CCL28: variants seen among roughly 807,000 people sequenced by gnomAD.
The protein encoded by CCL28 is C-C motif chemokine 28.
CCL28 carries 4 observed loss-of-function variants against 7.1 expected under a neutral mutation model. The observed-to-expected ratio is 0.56, with a 90% CI of 0.28 to 1.29. The LOEUF is 1.29. Ranked by LOEUF, CCL28 falls within the 50% of genes most tolerant of loss-of-function variation. The probability of loss-of-function intolerance (pLI) is 0.11; values close to 1 mark genes in which losing one functional copy is unlikely to be tolerated. For synonymous variants in CCL28, 55 were observed against 57.8 expected, an observed-to-expected ratio of 0.95 and a Z score of 0.22; for missense variants, 151 against 163.4, an observed-to-expected ratio of 0.92 and a Z score of 0.41.
At chr5:43,401,548 C>T (rs777864884) in intron 1 of CCL28, among the ~76,000 whole-genome samples, 2 of 152,136 alleles carry the variant, frequency 1.3e-5, no homozygotes, top group Non-Finnish European at 2.9e-5. Flanking sequence ...GTATCTCAAT[C>T]CTTTTTTCTG....
chr5:43,369,682 C>T, the CCL28 span, among the ~76,000 whole-genome samples: 1 of 152,140 alleles, frequency 6.6e-6, no homozygotes. Context: ...CCTTGGCTTC[C>T]CAACATCCTC....
At chr5:43,412,196 A>T in intron 1 of CCL28, 57 bp downstream of exon 1, 2 of 1,443,986 alleles carry the variant, frequency 1.4e-6, no homozygotes, top group Non-Finnish European at 1.9e-6. Flanking sequence ...TCCAGCACAG[A>T]TTTGGGAGAT....
downstream of CCL28, among the ~76,000 whole-genome samples, chr5:43,372,761 A>G (rs1739808239): frequency 6.7e-6 from 1 of 150,078 alleles, no homozygotes; most frequent in Non-Finnish European, 1.5e-5. Context: ...GGGGGCTGCT[A>G]TGAACATTCT....
In CCL28 at chr5:43,381,903, T is replaced by C. The variant is rs373231205; in HGVS notation, c.341A>G (p.His114Arg). 199 of 1,614,194 alleles carry C rather than the reference T, an allele frequency of 1.2e-4. No individual in the cohort carries two copies. The highest frequency in any genetic ancestry group is 1.5e-4 in the Non-Finnish European group (177 of 1,180,014). ...GCCGTATGTTTCGTGTTTCCCCTGA[T>C]GTGCCCTGTTACTGTTCCTCTTGCC... is the stretch of plus-strand genomic sequence containing the variant. ...HHGKRNSNRAHQGKHETYGHK... is the reference protein window; with the variant it reads ...HHGKRNSNRARQGKHETYGHK... Residue 114 changes from histidine to arginine, a missense_variant, in exon 3 of 3, where the codon CAT becomes CGT. By Grantham distance (29) the His-to-Arg change is conservative. Transcript: ENST00000361115.
chr5:43,368,092 G>T, the CCL28 span, among the ~76,000 whole-genome samples: 1 of 152,122 alleles, frequency 6.6e-6, no homozygotes, highest in African/African-American at 2.4e-5. Context: ...TAAAGGGTTT[G>T]GCTCTGACCA....
Position 43,388,398 on chromosome 5 carries a change from A to T in CCL28, c.143T>A (p.Met48Lys), listed in dbSNP as rs148903142. The T allele has an allele frequency of 4.6e-4, 744 of 1,613,996 alleles. No homozygotes were observed. The highest frequency in any genetic ancestry group is 6.1e-4 in the Non-Finnish European group (717 of 1,180,000). ...CCCATCAGCTCTCTGGATGCGACAC[A>T]TATTCACTCTTTCCAGGAGCCTTCT... is the stretch of plus-strand genomic sequence containing the variant. ...ISRRLLERVN[M>K]CRIQRADGDC... The change falls in exon 2 of 3, where the codon ATG becomes AAG. Residue 48 changes from methionine to lysine, a missense_variant. Coordinates refer to ENST00000361115, the MANE Select transcript of CCL28 (RefSeq NM_148672.3).
chr5:43,385,916 TC>T (rs1434233406), intron 2 of CCL28, among the ~76,000 whole-genome samples: 2 of 152,200 alleles, frequency 1.3e-5, no homozygotes, highest in Non-Finnish European at 2.9e-5. Context: ...CACCTGCTTA[TC>T]CCAAAGAAAC....
intron 1 of CCL28, among the ~76,000 whole-genome samples, chr5:43,411,000 C>G (rs1055210897): frequency 6.6e-6 from 1 of 152,192 alleles, no homozygotes; most frequent in African/African-American, 2.4e-5. Context: ...TTGGGAGTCC[C>G]TAAGCAAATG....
intron 1 of CCL28, among the ~76,000 whole-genome samples, chr5:43,403,588 T>TA (rs1273891127): frequency 2.0e-5 from 3 of 152,042 alleles, no homozygotes; most frequent in Non-Finnish European, 4.4e-5. Context: ...CTGACAAATC[T>TA]AAAAATCAGA....
intron 1 of CCL28, among the ~76,000 whole-genome samples, chr5:43,407,447 A>C (rs575977243): frequency 1.3e-5 from 2 of 152,250 alleles, no homozygotes; most frequent in Admixed American, 6.5e-5. Flanking sequence ...CATATGTAGA[A>C]AGCTGAAACT....
At chr5:43,412,104 A>G (rs983222528) in intron 1 of CCL28, 149 bp downstream of exon 1, 2 of 526,010 alleles carry the variant, frequency 3.8e-6, no homozygotes, top group Admixed American at 3.5e-5. Context: ...ATTTAAAGCT[A>G]TGTCATTCTC....
At chr5:43,359,826 C>T in the CCL28 span, among the ~76,000 whole-genome samples, 1 of 151,902 alleles carries the variant, frequency 6.6e-6, no homozygotes, top group Non-Finnish European at 1.5e-5. Flanking sequence ...CTGAATGACA[C>T]CCCCCAGGCC....
the CCL28 span, among the ~76,000 whole-genome samples, chr5:43,357,682 AG>A: frequency 2.0e-5 from 3 of 152,010 alleles, no homozygotes; most frequent in African/African-American, 4.8e-5. Context: ...CCTGAAAGAA[AG>A]GGGGGGAAAA....
chr5:43,409,439 C>A (rs763023221), intron 1 of CCL28, among the ~76,000 whole-genome samples: 2 of 151,842 alleles, frequency 1.3e-5, no homozygotes, highest in South Asian at 4.2e-4. Flanking sequence ...CAAAAACAAA[C>A]AAACAAAAAA....
chr5:43,410,261 A>C (rs1387358749), intron 1 of CCL28, among the ~76,000 whole-genome samples: 1 of 152,150 alleles, frequency 6.6e-6, no homozygotes, highest in Non-Finnish European at 1.5e-5. Context: ...CCCACAGGGC[A>C]CCTGGCTTAC....
intron 1 of CCL28, among the ~76,000 whole-genome samples, chr5:43,398,617 A>G (rs9942413): frequency 0.6 from 91,632 of 151,960 alleles, 28,471 homozygotes; most frequent in Middle Eastern, 0.71. Context: ...TTGGGAGGCC[A>G]AGGCAGGAGG....
chr5:43,410,798 C>A (rs1190891423), intron 1 of CCL28, among the ~76,000 whole-genome samples: 3 of 152,092 alleles, frequency 2.0e-5, no homozygotes, highest in South Asian at 2.1e-4. Flanking sequence ...AGCAGGTAGG[C>A]CTTTCAGAAA....
chr5:43,398,390 ATTTC>A (rs1740903292), intron 1 of CCL28, among the ~76,000 whole-genome samples: 1 of 152,018 alleles, frequency 6.6e-6, no homozygotes, highest in African/African-American at 2.4e-5. Context: ...TGCCTACCTA[ATTTC>A]TTTATTTTTT....
At chr5:43,384,907 ACTT>A (rs984343223) in intron 2 of CCL28, among the ~76,000 whole-genome samples, 17 of 150,642 alleles carry the variant, frequency 1.1e-4, no homozygotes, top group Middle Eastern at 3.2e-3. Flanking sequence ...AACATAAACA[ACTT>A]TTTTTTTTTT....
Sources: gnomAD v4.1 joint callset for allele counts (sites outside exome capture counted in the v4.1 genomes callset) on GRCh38, gnomAD v4.1.1 for gene constraint, MANE v1.5 for transcripts, NCBI Gene and HGNC (gene_info 2026-07-23, HGNC 2026-07-21) for gene names.